Variants in CCSER2 observed in about 807,000 individuals in gnomAD.
CCSER2 encodes coiled-coil serine rich protein 2.
Under a neutral mutation model 92.3 loss-of-function variants are expected in CCSER2, and 46 were observed. That is an observed-to-expected ratio of 0.50 (90% CI 0.39 to 0.64). CCSER2 has a LOEUF of 0.64. CCSER2 is among the 30% of genes least tolerant of loss of function. The pLI is 0.00. For missense variants in CCSER2, 1,244 were observed against 1,238.9 expected (o/e 1.00, Z -0.06); for synonymous variants, 433 against 431.4 (o/e 1.00, Z -0.04).
At chr10:84,484,289 T>G (rs1420084839) in intron 9 of CCSER2, among the ~76,000 whole-genome samples, 1 of 151,620 alleles carries the variant, frequency 6.6e-6, no homozygotes, top group Non-Finnish European at 1.5e-5. Flanking sequence ...ATTTCTATAT[T>G]TTTAGTAGAG....
rs575310825 is a variant in CCSER2 at position 84,423,037 on chromosome 10, A to G, written c.1706-2694A>G. Reference sequence around the variant, plus strand: ...GCCACTGCACTCCAGCCTAGGCAACAGAGCTAGACTTCATCTCAAAAAAAA... The same window carrying G: ...GCCACTGCACTCCAGCCTAGGCAACGGAGCTAGACTTCATCTCAAAAAAAA... On this transcript the variant is annotated intron_variant, in intron 4 of 9. Transcript: ENST00000372088. 5.9e-5 allele frequency among the ~76,000 whole-genome samples: 9 copies of G among 151,890 alleles called. No homozygotes were observed. The East Asian group carries it at 1.7e-3, about 29-fold the overall frequency.
rs1313194369 is a variant in CCSER2 at position 84,434,668 on chromosome 10, T to TTA, written c.1869-3841_1869-3840dup. Among the ~76,000 whole-genome samples, 14 of 152,010 alleles carry TTA rather than the reference T, an allele frequency of 9.2e-5. No individual in the cohort carries two copies. The East Asian group carries it at 2.7e-3, about 29-fold the overall frequency. On this transcript the variant is annotated intron_variant, in intron 5 of 9. Transcript: ENST00000372088. ...TAAAGAGGTTGGAAACTTAATAATA[T>TTA]TATAGTAAGTCATTTTTATTTAATA...
intron 9 of CCSER2, among the ~76,000 whole-genome samples, chr10:84,493,669 C>A (rs141983208): frequency 1.3e-5 from 2 of 152,266 alleles, no homozygotes; most frequent in East Asian, 3.9e-4. Flanking sequence ...CTATATAGGG[C>A]AGCAGTCCCC....
At chr10:84,411,050 G>T (rs1198857528) in intron 3 of CCSER2, among the ~76,000 whole-genome samples, 3 of 152,090 alleles carry the variant, frequency 2.0e-5, no homozygotes, top group African/African-American at 7.2e-5. Flanking sequence ...TTTCTGTCAG[G>T]TTTGTGGAAA....
rs191457293 is a variant in CCSER2 at position 84,409,053 on chromosome 10, C to T, written c.1615-8718C>T. The stretch of plus-strand genomic sequence containing the variant: ...TTGCCTGGGCTGGAGTGCAGTAGTG[C>T]GATCTCGGCTCACTGCAACCTCCAC... On this transcript the variant is annotated intron_variant, in intron 3 of 9. Transcript: ENST00000372088. Among the ~76,000 whole-genome samples the T allele has an allele frequency of 3.5e-3, 540 of 152,126 alleles. 2 individuals are homozygous for T. The highest frequency in any genetic ancestry group is 8.5e-3 in the African/African-American group (353 of 41,484).
In CCSER2 at chr10:84,470,013, ATTTTTTTTTT is replaced by A. The variant is rs67106487; in HGVS notation, c.2149-344_2149-335del. Among the ~76,000 whole-genome samples the A allele has an allele frequency of 2.3e-3, 219 of 96,520 alleles. 1 individual carries two copies. The highest frequency in any genetic ancestry group is 8.7e-3 in the African/African-American group (216 of 24,940). The allele number at this position is 96,520 out of a possible 152,430, so 63.3% of individuals were successfully genotyped here. A position where few individuals can be genotyped will look rare whatever the true frequency, so the allele number is the denominator to read the frequency against. ...AGCTGAAGTTGCTTTTTTGTATGTG[ATTTTTTTTTT>A]TTTTTTTTTTTTTTACTCTGTGGCC... On this transcript the variant is annotated intron_variant, in intron 7 of 9. Coordinates refer to ENST00000372088, the MANE Select transcript of CCSER2 (RefSeq NM_001284240.2).
chr10:84,368,469 C>G (rs1294301557), intron 1 of CCSER2, among the ~76,000 whole-genome samples: 2 of 151,488 alleles, frequency 1.3e-5, no homozygotes, highest in African/African-American at 4.9e-5. Flanking sequence ...TCACTCTATA[C>G]TTGAACATTT....
At chr10:84,339,635 C>G (rs1476157238) in intron 1 of CCSER2, among the ~76,000 whole-genome samples, 1 of 151,926 alleles carries the variant, frequency 6.6e-6, no homozygotes, top group African/African-American at 2.4e-5. Flanking sequence ...GCCACCACGC[C>G]TGGCTGGTTT....
intron 6 of CCSER2, among the ~76,000 whole-genome samples, chr10:84,449,380 A>G (rs972105333): frequency 6.6e-6 from 1 of 152,062 alleles, no homozygotes; most frequent in African/African-American, 2.4e-5. Context: ...GTCTCAAGAA[A>G]AAAATCAGAA....
At chr10:84,372,583 A>C in intron 2 of CCSER2, 114 bp downstream of exon 2, 1 of 687,278 alleles carries the variant, frequency 1.5e-6, no homozygotes, top group Admixed American at 3.1e-5. Flanking sequence ...ACGGAGGGAT[A>C]GATCTAGACA....
intron 1 of CCSER2, among the ~76,000 whole-genome samples, chr10:84,342,736 A>C (rs1564580395): frequency 6.6e-6 from 1 of 151,938 alleles, no homozygotes; most frequent in Admixed American, 6.6e-5. Context: ...GCAACATTTT[A>C]CTTTTGCTTC....
chr10:84,372,421 G>C lies in CCSER2; in HGVS notation c.1369G>C (p.Glu457Gln), dbSNP rs1173165014. Residue 457 changes from glutamate to glutamine, a missense_variant, in exon 2 of 10, where the codon GAA (glutamate) becomes CAA (glutamine). Physicochemically the swap from Glu to Gln is conservative, Grantham distance 29. Transcript: ENST00000372088. Reference sequence around the variant, plus strand: ...TATGTTTGATTCCCCCAAGGAAAATGAAAAAGCCTTCAGTAAAACTGATGA... The same window carrying C: ...TATGTTTGATTCCCCCAAGGAAAATCAAAAAGCCTTCAGTAAAACTGATGA... Reference protein sequence around the residue: ...QDMFDSPKENEKAFSKTDEWI... With the variant: ...QDMFDSPKENQKAFSKTDEWI... The C allele has an allele frequency of 4.4e-6, 7 of 1,586,284 alleles. No individual in the cohort carries two copies. Among genetic ancestry groups the C allele is most frequent in the Non-Finnish European group, 6.0e-6 (7 of 1,172,672 alleles).
At chr10:84,342,735 T>C (rs947681635) in intron 1 of CCSER2, among the ~76,000 whole-genome samples, 12 of 152,220 alleles carry the variant, frequency 7.9e-5, no homozygotes, top group African/African-American at 1.4e-4. Context: ...CGCAACATTT[T>C]ACTTTTGCTT....
intron 9 of CCSER2, among the ~76,000 whole-genome samples, chr10:84,503,909 T>A (rs1183470315): frequency 2.6e-5 from 4 of 152,254 alleles, no homozygotes; most frequent in Non-Finnish European, 5.9e-5. Context: ...GTCTTACATC[T>A]TCTTTCTCTT....
intron 9 of CCSER2, among the ~76,000 whole-genome samples, chr10:84,485,863 A>G (rs1046323635): frequency 7.2e-5 from 11 of 152,124 alleles, no homozygotes; most frequent in Non-Finnish European, 1.6e-4. Flanking sequence ...CATTTACATT[A>G]GGTATATCTC....
rs1182773588 is a variant in CCSER2 at position 84,363,147 on chromosome 10, A to ATT, written c.-39-7850_-39-7849dup. Among the ~76,000 whole-genome samples, 145 of 84,364 alleles carry ATT rather than the reference A, an allele frequency of 1.7e-3. 11 individuals are homozygous for ATT. The highest frequency in any genetic ancestry group is 8.4e-3 in the African/African-American group (134 of 15,986). The allele number at this position is 84,364 out of a possible 152,430, so 55.3% of individuals were successfully genotyped here. ...CAGGTGTGAGCCACCACACCCAGCT[A>ATT]TTTTTTTTTTTTTTTTTTGTATTTT... On this transcript the variant is annotated intron_variant, in intron 1 of 9. Coordinates refer to ENST00000372088, the MANE Select transcript of CCSER2 (RefSeq NM_001284240.2).
At chr10:84,491,158 G>A (rs902710569) in intron 9 of CCSER2, among the ~76,000 whole-genome samples, 1 of 152,224 alleles carries the variant, frequency 6.6e-6, no homozygotes, top group Non-Finnish European at 1.5e-5. Context: ...CTACTGGGGG[G>A]TGCCTCCCAG....
chr10:84,365,070 A>T (rs1204648256), intron 1 of CCSER2, among the ~76,000 whole-genome samples: 1 of 152,090 alleles, frequency 6.6e-6, no homozygotes, highest in Non-Finnish European at 1.5e-5. Context: ...ATTAAATACC[A>T]ATACTGTAAA....
rs1306194346 is a variant in CCSER2, at chr10:84,457,266, TATATATA to T, written c.2065-6660_2065-6654del. ...ATATTATATATTATATAAAATATAT[TATATATA>T]ATATATTATATATTATATATTATAT... On this transcript the variant is annotated intron_variant, in intron 6 of 9. Transcript: ENST00000372088. Among the ~76,000 whole-genome samples, 36 of 24,486 alleles carry T rather than the reference TATATATA, an allele frequency of 1.5e-3. 1 individual carries two copies. Among genetic ancestry groups the T allele is most frequent in the East Asian group, 6.9e-3 (5 of 724 alleles). The allele number at this position is 24,486 out of a possible 152,430, so 16.1% of individuals were successfully genotyped here.
Sources: allele counts gnomAD v4.1 joint callset (sites outside exome capture counted in the v4.1 genomes callset), GRCh38; gene constraint gnomAD v4.1.1; transcripts MANE v1.5; gene names NCBI Gene and HGNC (gene_info 2026-07-23, HGNC 2026-07-21).